Variants in CNTNAP2 observed in about 807,000 individuals in gnomAD.
CNTNAP2 encodes the protein contactin associated protein 2.
Under a neutral mutation model 155.2 loss-of-function variants are expected in CNTNAP2, and 98 were observed. The ratio of observed to expected loss-of-function variants is 0.63; its 90% confidence interval spans 0.54 to 0.75. The LOEUF (loss-of-function observed/expected upper bound fraction) is 0.75, where lower values mean the gene tolerates loss of function less well. Ranked by LOEUF, CNTNAP2 falls within the 30% of genes least tolerant of loss-of-function variation. The pLI is 0.00. For synonymous variants in CNTNAP2, 651 were observed against 631.2 expected (o/e 1.03, Z -0.47); for missense variants, 1,727 against 1,688.1 (o/e 1.02, Z -0.40).
chr7:146,451,436 C>G (rs895297661), intron 1 of CNTNAP2, among the ~76,000 whole-genome samples: 1 of 152,068 alleles, frequency 6.6e-6, no homozygotes, highest in Non-Finnish European at 1.5e-5. Context: ...TATCTCTGAC[C>G]TTTCCACCAC....
At chr7:147,202,849 AT>A (rs1802949538) in intron 8 of CNTNAP2, among the ~76,000 whole-genome samples, 1 of 106,700 alleles carries the variant, frequency 9.4e-6, no homozygotes, top group Non-Finnish European at 2.2e-5. Flanking sequence ...CTAAAGTATA[AT>A]TAAAAAAAAA....
intron 4 of CNTNAP2, among the ~76,000 whole-genome samples, chr7:147,049,120 G>C (rs1053599027): frequency 1.3e-5 from 2 of 152,190 alleles, no homozygotes; most frequent in African/African-American, 4.8e-5. Context: ...ACAGGAAACA[G>C]AGCCCTCGTG....
intron 13 of CNTNAP2, among the ~76,000 whole-genome samples, chr7:147,808,311 G>A (rs78543764): frequency 6.6e-6 from 1 of 152,156 alleles, no homozygotes; most frequent in Admixed American, 6.5e-5. Context: ...GCATTATAAT[G>A]ATCAAAGAAA....
At chr7:147,735,028 C>G (rs1187681366) in intron 13 of CNTNAP2, among the ~76,000 whole-genome samples, 1 of 149,060 alleles carries the variant, frequency 6.7e-6, no homozygotes. Context: ...TCTTCCAGTT[C>G]TGCTCTGATC....
At chr7:146,632,086 T>C (rs980812524) in intron 1 of CNTNAP2, among the ~76,000 whole-genome samples, 2 of 152,038 alleles carry the variant, frequency 1.3e-5, no homozygotes, top group African/African-American at 4.8e-5. Flanking sequence ...CTCACAGGAG[T>C]GATGATGGAC....
chr7:148,306,237 A>T (rs10253504), intron 21 of CNTNAP2, among the ~76,000 whole-genome samples: 3 of 152,162 alleles, frequency 2.0e-5, no homozygotes, highest in Admixed American at 6.5e-5. Flanking sequence ...TCTCTGGAAG[A>T]TTTTAGGTTC....
chr7:146,377,113 A>C (rs1312088955), intron 1 of CNTNAP2, among the ~76,000 whole-genome samples: 1 of 152,204 alleles, frequency 6.6e-6, no homozygotes, highest in Non-Finnish European at 1.5e-5. Flanking sequence ...AATGAAACTC[A>C]GAAAAACTCT....
chr7:148,061,947 A>AGAT, intron 15 of CNTNAP2, among the ~76,000 whole-genome samples: 1 of 130,368 alleles, frequency 7.7e-6, no homozygotes, highest in Admixed American at 7.8e-5. Context: ...ATAGATAGAT[A>AGAT]AACAGATATA....
intron 15 of CNTNAP2, among the ~76,000 whole-genome samples, chr7:148,006,578 C>T (rs1215931663): frequency 2.8e-5 from 4 of 145,080 alleles, no homozygotes; most frequent in Non-Finnish European, 6.0e-5. Context: ...CTCGGCCTTC[C>T]AAAGTGCTGG....
intron 3 of CNTNAP2, among the ~76,000 whole-genome samples, chr7:146,884,319 T>G (rs550188739): frequency 7.9e-5 from 12 of 152,308 alleles, no homozygotes; most frequent in South Asian, 4.1e-4. Context: ...CAACTGTGCT[T>G]CTTTTCTTGC....
intron 1 of CNTNAP2, among the ~76,000 whole-genome samples, chr7:146,201,645 T>A (rs1193704566): frequency 9.0e-5 from 12 of 133,646 alleles, no homozygotes; most frequent in African/African-American, 1.5e-4. Context: ...CACGAGTGTG[T>A]GTGTGTGTGT....
intron 1 of CNTNAP2, among the ~76,000 whole-genome samples, chr7:146,235,396 C>A (rs117346049): frequency 0.018 from 2,773 of 151,996 alleles, 32 homozygotes; most frequent in Non-Finnish European, 0.029. Flanking sequence ...CTTCATTTGG[C>A]TCTCCTGGAA....
At chr7:147,670,190 T>G (rs1453822343) in intron 13 of CNTNAP2, among the ~76,000 whole-genome samples, 1 of 152,218 alleles carries the variant, frequency 6.6e-6, no homozygotes, top group Non-Finnish European at 1.5e-5. Flanking sequence ...TGTTTTCTTC[T>G]TGTTTTTTAA....
chr7:148,291,759 G>A (rs1329384859), intron 21 of CNTNAP2, among the ~76,000 whole-genome samples: 1 of 151,918 alleles, frequency 6.6e-6, no homozygotes, highest in Non-Finnish European at 1.5e-5. Flanking sequence ...CATTTCACAA[G>A]GTATACAGAT....
chr7:146,579,028 T>C (rs1798568045), intron 1 of CNTNAP2, among the ~76,000 whole-genome samples: 1 of 152,166 alleles, frequency 6.6e-6, no homozygotes, highest in Admixed American at 6.6e-5. Context: ...TATTTTACTT[T>C]GTGTTTATTT....
chr7:148,139,702 G>C (rs1805022879), intron 16 of CNTNAP2, among the ~76,000 whole-genome samples: 1 of 152,016 alleles, frequency 6.6e-6, no homozygotes, highest in African/African-American at 2.4e-5. Context: ...ATCATGCCCA[G>C]CTAATTTTTT....
intron 1 of CNTNAP2, among the ~76,000 whole-genome samples, chr7:146,128,333 G>A (rs967872527): frequency 1.3e-5 from 2 of 152,146 alleles, no homozygotes; most frequent in African/African-American, 4.8e-5. Flanking sequence ...GTATAAGGAT[G>A]CTCAAGCATT....
chr7:146,263,291 A>G (rs142929627), intron 1 of CNTNAP2, among the ~76,000 whole-genome samples: 2,768 of 149,594 alleles, frequency 0.019, 110 homozygotes, highest in African/African-American at 0.066. Flanking sequence ...GGAAGGAAGG[A>G]AGGAAGGACG....
chr7:148,311,376 G>A (rs1182951125), intron 21 of CNTNAP2, among the ~76,000 whole-genome samples: 3 of 142,094 alleles, frequency 2.1e-5, no homozygotes, highest in South Asian at 2.1e-4. Flanking sequence ...GATTAGAAAC[G>A]GCTAGGAGAG....
Sources: gnomAD v4.1 joint callset for allele counts (sites outside exome capture counted in the v4.1 genomes callset) on GRCh38, gnomAD v4.1.1 for gene constraint, MANE v1.5 for transcripts, NCBI Gene and HGNC (gene_info 2026-07-23, HGNC 2026-07-21) for gene names.